SPRED1: variants seen among roughly 807,000 people sequenced by gnomAD.
SPRED1 encodes the protein sprouty related EVH1 domain containing 1.
A neutral mutation model predicts 52.3 loss-of-function variants in SPRED1; 18 were observed. The ratio of observed to expected loss-of-function variants is 0.34; its 90% CI spans 0.24 to 0.51. The LOEUF is 0.51. Ranked by LOEUF, SPRED1 falls within the 20% of genes least tolerant of loss-of-function variation. The probability of loss-of-function intolerance (pLI) is 0.97; values close to 1 mark genes in which losing one functional copy is unlikely to be tolerated. For missense variants in SPRED1, 485 were observed against 551.0 expected (o/e 0.88, Z 1.20); for synonymous variants, 155 against 179.7 (o/e 0.86, Z 1.10).
intron 2 of SPRED1, among the ~76,000 whole-genome samples, chr15:38,321,893 C>G (rs1895610128): frequency 6.6e-6 from 1 of 152,124 alleles, no homozygotes; most frequent in South Asian, 2.1e-4. Context: ...CTGCCCCCAG[C>G]CAAAAATGAC....
At chr15:38,270,675 T>G (rs1359547866) in intron 1 of SPRED1, among the ~76,000 whole-genome samples, 1 of 152,162 alleles carries the variant, frequency 6.6e-6, no homozygotes, top group African/African-American at 2.4e-5. Context: ...TCTGCCCCTC[T>G]TTCAACACAT....
intron 1 of SPRED1, among the ~76,000 whole-genome samples, chr15:38,291,772 G>C (rs754018241): frequency 2.6e-5 from 4 of 152,196 alleles, no homozygotes; most frequent in Non-Finnish European, 5.9e-5. Flanking sequence ...ACACAGCACA[G>C]GGACAGTGGG....
intron 1 of SPRED1, among the ~76,000 whole-genome samples, chr15:38,270,044 A>G (rs1241627632): frequency 6.6e-6 from 1 of 151,144 alleles, no homozygotes; most frequent in Non-Finnish European, 1.5e-5. Context: ...AGTAGCTGGG[A>G]TTAAAGACGT....
rs370835780 is a variant in SPRED1 at position 38,293,131 on chromosome 15, C to T, written c.33-6242C>T. Among the ~76,000 whole-genome samples, 7 of 26,948 alleles carry T rather than the reference C, an allele frequency of 2.6e-4. 1 individual carries two copies. In the East Asian group the frequency reaches 8.6e-3, roughly 33 times the overall value. The allele number at this position is 26,948 out of a possible 152,430, so 17.7% of individuals were successfully genotyped here. On this transcript the variant is annotated intron_variant, in intron 1 of 6. Transcript: ENST00000299084. ...TTTTTTTTTTTTTGAGACGGAGTCTCGCTCTCTCACCAAGCTGGAGTGCAG... is the reference window on the plus strand; with the variant it reads ...TTTTTTTTTTTTTGAGACGGAGTCTTGCTCTCTCACCAAGCTGGAGTGCAG...
At chr15:38,294,426 A>G (rs773097433) in intron 1 of SPRED1, among the ~76,000 whole-genome samples, 2 of 152,064 alleles carry the variant, frequency 1.3e-5, no homozygotes, top group Non-Finnish European at 2.9e-5. Flanking sequence ...TATATATATT[A>G]CTGTATCTTC....
At chr15:38,294,344 GT>G (rs1894987112) in intron 1 of SPRED1, among the ~76,000 whole-genome samples, 1 of 152,096 alleles carries the variant, frequency 6.6e-6, no homozygotes, top group South Asian at 2.1e-4. Flanking sequence ...TTGGTGGTTG[GT>G]GGGGCGGAGG....
chr15:38,340,707 G>A (rs942567403), intron 5 of SPRED1, among the ~76,000 whole-genome samples: 1 of 151,726 alleles, frequency 6.6e-6, no homozygotes, highest in Non-Finnish European at 1.5e-5. Flanking sequence ...TAATTTTTTT[G>A]TAGTTATTAG....
intron 2 of SPRED1, among the ~76,000 whole-genome samples, chr15:38,321,533 A>G (rs929053037): frequency 1.3e-5 from 2 of 152,212 alleles, no homozygotes; most frequent in Non-Finnish European, 2.9e-5. Flanking sequence ...TGCTGTGACC[A>G]TTAAATCCTT....
intron 5 of SPRED1, among the ~76,000 whole-genome samples, chr15:38,340,510 A>C (rs1484554118): frequency 1.3e-5 from 2 of 152,028 alleles, no homozygotes; most frequent in African/African-American, 2.4e-5. Context: ...AAAGAGATCA[A>C]CATAATTTTC....
chr15:38,297,402 G>T (rs781213268), intron 1 of SPRED1, among the ~76,000 whole-genome samples: 5 of 152,164 alleles, frequency 3.3e-5, no homozygotes, highest in African/African-American at 1.2e-4. Context: ...GATGCATATT[G>T]TGTTTATAGT....
At chr15:38,283,360 G>A in intron 1 of SPRED1, 1 of 223,100 alleles carries the variant, frequency 4.5e-6, no homozygotes, top group Non-Finnish European at 7.5e-6. Flanking sequence ...TACAATTCAA[G>A]ATGAGATTTG....
chr15:38,357,136 A>T lies in SPRED1; in HGVS notation c.*5472A>T, dbSNP rs909358644. 6.6e-6 allele frequency: 1 copy of T among 152,212 alleles called. No individual in the cohort carries two copies. Among genetic ancestry groups the T allele is most frequent in the Non-Finnish European group, 1.5e-5 (1 of 68,016 alleles). The allele number at this position is 152,212 out of a possible 1,614,324, so 9.4% of individuals were successfully genotyped here. A position where few individuals can be genotyped will look rare whatever the true frequency, so the allele number is the denominator to read the frequency against. On this transcript the variant is annotated 3_prime_UTR_variant, in exon 7 of 7. Coordinates refer to ENST00000299084, the MANE Select transcript of SPRED1 (RefSeq NM_152594.3). ...AGAAAAAGACATCGACATCAATGGT[A>T]TGAAAGCTGTAGTCACTCTTTAAAT... is the stretch of plus-strand genomic sequence containing the variant.
intron 3 of SPRED1, among the ~76,000 whole-genome samples, chr15:38,323,059 AT>A (rs958599365): frequency 3.3e-5 from 5 of 151,702 alleles, no homozygotes; most frequent in East Asian, 1.9e-4. Context: ...CTAAGACTTG[AT>A]TTTTTTTTCT....
chr15:38,305,863 T>C (rs900677969), intron 2 of SPRED1, among the ~76,000 whole-genome samples: 1 of 152,206 alleles, frequency 6.6e-6, no homozygotes. Context: ...GCATCAACAA[T>C]AGTTATAAAC....
chr15:38,316,748 G>GGTTTTTTTTT lies in SPRED1; in HGVS notation c.208-5493_208-5492insGTTTTTTTTT. 5.3e-3 allele frequency among the ~76,000 whole-genome samples: 222 copies of GGTTTTTTTTT among 41,710 alleles called. 29 individuals are homozygous for GGTTTTTTTTT. The highest frequency in any genetic ancestry group is 0.037 in the Middle Eastern group (3 of 82). The allele number at this position is 41,710 out of a possible 152,430, so 27.4% of individuals were successfully genotyped here. ...TCTAGTTTACAATTTTCCATTATAT[G>GGTTTTTTTTT]TTTTTTTTTTTTTTTTTTTTTTTTG... On this transcript the variant is annotated intron_variant, in intron 2 of 6. Coordinates refer to ENST00000299084, the MANE Select transcript of SPRED1 (RefSeq NM_152594.3).
intron 1 of SPRED1, among the ~76,000 whole-genome samples, chr15:38,291,940 G>C (rs1049154032): frequency 3.4e-4 from 52 of 152,206 alleles, no homozygotes; most frequent in African/African-American, 1.2e-3. Context: ...GCAGCTGGCT[G>C]GAATTTCTCC....
chr15:38,256,541 A>G (rs1427742748), intron 1 of SPRED1, among the ~76,000 whole-genome samples: 3 of 152,188 alleles, frequency 2.0e-5, no homozygotes, highest in Non-Finnish European at 1.5e-5. Flanking sequence ...CACGTTAGCC[A>G]GAAACACTTC....
intron 1 of SPRED1, 100 bp from the exon 2 acceptor site, chr15:38,299,273 A>G (rs1320012252): frequency 1.6e-6 from 2 of 1,245,770 alleles, no homozygotes; most frequent in Non-Finnish European, 2.4e-6. Flanking sequence ...TAGTCACCAC[A>G]TGTTAACTAA....
intron 1 of SPRED1, among the ~76,000 whole-genome samples, chr15:38,284,640 A>C (rs190379309): frequency 7.0e-4 from 107 of 152,260 alleles, no homozygotes; most frequent in African/African-American, 2.5e-3. Flanking sequence ...TAATAATTAC[A>C]GTCTTAATTT....
Sources: gnomAD v4.1 joint callset for allele counts (sites outside exome capture counted in the v4.1 genomes callset) on GRCh38, gnomAD v4.1.1 for gene constraint, MANE v1.5 for transcripts, NCBI Gene and HGNC (gene_info 2026-07-23, HGNC 2026-07-21) for gene names.